PIGN: variants seen among roughly 807,000 people sequenced by gnomAD.
The protein encoded by PIGN is phosphatidylinositol glycan anchor biosynthesis class N.
Under a neutral mutation model 125.4 loss-of-function variants are expected in PIGN, and 117 were observed. The observed-to-expected ratio is 0.93, with a 90% CI of 0.80 to 1.09. The LOEUF is 1.09. Ranked by LOEUF, PIGN falls within the 50% of genes least tolerant of loss-of-function variation. The pLI is 0.00. For synonymous variants in PIGN, 392 were observed against 377.8 expected (o/e 1.04, Z -0.44); for missense variants, 1,075 against 1,094.9 (o/e 0.98, Z 0.26).
At chr18:62,062,339 C>T (rs946721529) in intron 30 of PIGN, among the ~76,000 whole-genome samples, 2 of 152,164 alleles carry the variant, frequency 1.3e-5, no homozygotes, top group Non-Finnish European at 1.5e-5. Context: ...TTGTTCAGTG[C>T]CATCAGCCTG....
intron 23 of PIGN, among the ~76,000 whole-genome samples, chr18:62,029,379 C>T (rs889024152): frequency 2.6e-5 from 4 of 152,094 alleles, no homozygotes; most frequent in East Asian, 1.9e-4. Context: ...CTAACCATTT[C>T]GGTTTCCCTA....
intron 22 of PIGN, 151 bp downstream of exon 22, chr18:62,100,924 T>G: frequency 1.6e-6 from 1 of 640,144 alleles, no homozygotes; most frequent in East Asian, 2.7e-5. Context: ...TTTGTTAAAT[T>G]CCAGCAAGAG....
chr18:62,117,714 C>T (rs1159385577), intron 14 of PIGN, among the ~76,000 whole-genome samples: 1 of 152,036 alleles, frequency 6.6e-6, no homozygotes, highest in East Asian at 1.9e-4. Context: ...ATCATGTATA[C>T]ATATGTATTC....
At chr18:62,038,402 TC>T (rs2030289955), downstream of PIGN, among the ~76,000 whole-genome samples, 2 of 146,924 alleles carry the variant, frequency 1.4e-5, no homozygotes, top group African/African-American at 5.1e-5. Context: ...CTCTGAAACT[TC>T]ACATGTTAGA....
intron 14 of PIGN, among the ~76,000 whole-genome samples, chr18:62,127,597 A>C (rs1021238731): frequency 6.6e-6 from 1 of 152,214 alleles, no homozygotes; most frequent in Admixed American, 6.5e-5. Flanking sequence ...TAAGTACATA[A>C]TAACTGTGAG....
intron 22 of PIGN, among the ~76,000 whole-genome samples, chr18:62,098,610 T>G (rs2034307470): frequency 6.6e-6 from 1 of 152,180 alleles, no homozygotes; most frequent in South Asian, 2.1e-4. Flanking sequence ...TACCATCCAT[T>G]TGGAGATCAT....
chr18:62,155,368 A>T (rs2036688079), intron 6 of PIGN, among the ~76,000 whole-genome samples: 1 of 151,868 alleles, frequency 6.6e-6, no homozygotes, highest in Non-Finnish European at 1.5e-5. Context: ...GGAGATCGAG[A>T]CCCCCCTGGC....
At chr18:62,071,872 A>ATATATATG (rs2032880162) in intron 30 of PIGN, among the ~76,000 whole-genome samples, 1 of 19,560 alleles carries the variant, frequency 5.1e-5, no homozygotes, top group African/African-American at 3.3e-4. Context: ...CCATATATAT[A>ATATATATG]TATATATATA....
intron 10 of PIGN, among the ~76,000 whole-genome samples, chr18:62,143,691 T>C (rs1157659544): frequency 6.6e-6 from 1 of 152,184 alleles, no homozygotes; most frequent in Non-Finnish European, 1.5e-5. Flanking sequence ...ATTACAATCC[T>C]GTTCTAGAGA....
intron 30 of PIGN, among the ~76,000 whole-genome samples, chr18:62,061,484 C>T (rs1270286655): frequency 1.4e-5 from 1 of 69,420 alleles, no homozygotes; most frequent in African/African-American, 4.3e-5. Flanking sequence ...CGCATTCCGG[C>T]CTGGGCGACA....
chr18:62,018,374 G>A lies in PIGN; in HGVS notation c.2143-633C>T, dbSNP rs577504379. Among the ~76,000 whole-genome samples, 29 of 152,342 alleles carry A rather than the reference G, an allele frequency of 1.9e-4. 1 individual carries two copies. Among genetic ancestry groups the A allele is most frequent in the East Asian group, 1.5e-3 (8 of 5,184 alleles). On this transcript the variant is annotated intron_variant, in intron 23 of 24. Transcript: ENST00000639600. The stretch of plus-strand genomic sequence containing the variant: ...TCAGTGGAACGATTCCGTTTGATCC[G>A]TACACATGTAAAAATCATTGCCTCC...
At chr18:62,073,170 GGTGTGTGTGT>G (rs34182707) in intron 29 of PIGN, among the ~76,000 whole-genome samples, 9 of 145,380 alleles carry the variant, frequency 6.2e-5, no homozygotes, top group African/African-American at 7.8e-5. Flanking sequence ...AATTATCAGG[GGTGTGTGTGT>G]GTGTGTGTGT....
Position 62,042,494 on chromosome 18 carries a change from C to T in PIGN, c.*3362G>A, listed in dbSNP as rs1385785088. The T allele has an allele frequency of 1.3e-5, 2 of 152,014 alleles. No homozygotes were observed. The highest frequency in any genetic ancestry group is 2.9e-5 in the Non-Finnish European group (2 of 68,024). 9.4% of individuals were successfully genotyped at this position (152,014 alleles called of 1,614,324 possible). A position where few individuals can be genotyped will look rare whatever the true frequency, so the allele number is the denominator to read the frequency against. ...GTAACTGTAACCCGTTTTAAGTGTA[C>T]CCAAGGAAATGAATAAGAGACACAT... On this transcript the variant is annotated 3_prime_UTR_variant, in exon 31 of 31. Transcript: ENST00000640252.
At chr18:62,027,339 A>T (rs879839488) in intron 23 of PIGN, among the ~76,000 whole-genome samples, 1 of 152,226 alleles carries the variant, frequency 6.6e-6, no homozygotes, top group Non-Finnish European at 1.5e-5. Context: ...TATTTTGTCA[A>T]GGTTGAGGAC....
chr18:62,078,131 C>G (rs752836697), intron 28 of PIGN, among the ~76,000 whole-genome samples: 4 of 152,092 alleles, frequency 2.6e-5, no homozygotes, highest in Non-Finnish European at 4.4e-5. Context: ...TTAGGGGACA[C>G]AAATCAGCCC....
At chr18:62,134,556 T>G (rs2147067171) in intron 14 of PIGN, among the ~76,000 whole-genome samples, 1 of 152,340 alleles carries the variant, frequency 6.6e-6, no homozygotes, top group Non-Finnish European at 1.5e-5. Flanking sequence ...TTGTACATTT[T>G]CAAGGCTGCT....
At chr18:62,161,802 A>T (rs1308972623) in intron 3 of PIGN, among the ~76,000 whole-genome samples, 1 of 152,212 alleles carries the variant, frequency 6.6e-6, no homozygotes, top group African/African-American at 2.4e-5. Context: ...TATGACAATC[A>T]TTGCCAATAA....
At chr18:62,061,722 G>C (rs558315432) in intron 30 of PIGN, among the ~76,000 whole-genome samples, 4 of 152,036 alleles carry the variant, frequency 2.6e-5, no homozygotes, top group Admixed American at 6.6e-5. Context: ...GAGCTCTGCC[G>C]GTCAGTTTAT....
intron 14 of PIGN, among the ~76,000 whole-genome samples, chr18:62,118,020 C>A (rs1396613612): frequency 6.6e-6 from 1 of 152,040 alleles, no homozygotes; most frequent in Non-Finnish European, 1.5e-5. Flanking sequence ...TTAGCTACTG[C>A]AAGTAGTACT....
Sources: gnomAD v4.1 joint callset for allele counts (sites outside exome capture counted in the v4.1 genomes callset) on GRCh38, gnomAD v4.1.1 for gene constraint, MANE v1.5 for transcripts, NCBI Gene and HGNC (gene_info 2026-07-23, HGNC 2026-07-21) for gene names.